AGBL4: variants seen among roughly 807,000 people sequenced by gnomAD.
The protein encoded by AGBL4 is cytosolic carboxypeptidase 6.
In AGBL4, 58 loss-of-function variants were observed where a neutral mutation model predicts 66.4. That is an observed-to-expected ratio of 0.87 (90% CI 0.71 to 1.09). The LOEUF (loss-of-function observed/expected upper bound fraction) is 1.09. Ranked by LOEUF, AGBL4 falls within the 50% of genes least tolerant of loss-of-function variation. The pLI, the probability that AGBL4 is intolerant of heterozygous loss-of-function variation, is 0.00. For synonymous variants in AGBL4, 234 were observed against 222.9 expected (o/e 1.05, Z -0.44); for missense variants, 579 against 631.0 (o/e 0.92, Z 0.88).
intron 9 of AGBL4, among the ~76,000 whole-genome samples, chr1:48,632,270 G>A (rs1570072917): frequency 6.6e-6 from 1 of 152,240 alleles, no homozygotes; most frequent in East Asian, 1.9e-4. Context: ...CACCCAAGAT[G>A]TACTTATTAA....
intron 4 of AGBL4, among the ~76,000 whole-genome samples, chr1:49,204,365 G>A (rs1389803060): frequency 3.3e-5 from 5 of 151,810 alleles, no homozygotes; most frequent in Non-Finnish European, 1.5e-5. Flanking sequence ...TGAATTCCTG[G>A]CCTCAAGCAA....
At chr1:49,211,118 A>T (rs1005882681) in intron 4 of AGBL4, among the ~76,000 whole-genome samples, 1 of 152,088 alleles carries the variant, frequency 6.6e-6, no homozygotes, top group African/African-American at 2.4e-5. Context: ...ACAACATTCC[A>T]TCACATCCAT....
At chr1:49,237,089 A>G (rs2148310373) in intron 4 of AGBL4, among the ~76,000 whole-genome samples, 1 of 149,714 alleles carries the variant, frequency 6.7e-6, no homozygotes, top group East Asian at 2.0e-4. Flanking sequence ...CCCCATCTCT[A>G]CTAAAAATAC....
intron 6 of AGBL4, among the ~76,000 whole-genome samples, chr1:48,848,410 A>AG (rs1260114539): frequency 6.6e-6 from 1 of 152,216 alleles, no homozygotes; most frequent in Non-Finnish European, 1.5e-5. Context: ...TGTTCATGGA[A>AG]GAGCCAATGT....
At chr1:49,607,859 T>G (rs1276604988) in intron 3 of AGBL4, among the ~76,000 whole-genome samples, 3 of 152,168 alleles carry the variant, frequency 2.0e-5, no homozygotes, top group Non-Finnish European at 2.9e-5. Flanking sequence ...GAATGTAGCA[T>G]GATTATGTAT....
At chr1:49,315,946 A>C (rs966203438) in intron 3 of AGBL4, among the ~76,000 whole-genome samples, 1 of 152,124 alleles carries the variant, frequency 6.6e-6, no homozygotes, top group African/African-American at 2.4e-5. Flanking sequence ...GAAGAGCGCT[A>C]TCAAGCCATT....
At chr1:49,395,256 A>G (rs1474655616) in intron 3 of AGBL4, among the ~76,000 whole-genome samples, 1 of 152,198 alleles carries the variant, frequency 6.6e-6, no homozygotes, top group Non-Finnish European at 1.5e-5. Flanking sequence ...ACCCTAGGCT[A>G]TCTTGATCAG....
chr1:49,107,723 GAGAGAGAGAGAGAC>G (rs1158670906), intron 4 of AGBL4, among the ~76,000 whole-genome samples: 2 of 150,396 alleles, frequency 1.3e-5, no homozygotes, highest in Non-Finnish European at 3.0e-5. Flanking sequence ...GAGAGAGAGA[GAGAGAGAGAGAGAC>G]AATATTTACA....
intron 2 of AGBL4, among the ~76,000 whole-genome samples, chr1:49,832,652 G>A (rs1484046630): frequency 6.6e-6 from 1 of 150,908 alleles, no homozygotes; most frequent in Non-Finnish European, 1.5e-5. Flanking sequence ...ATCCTCTCCA[G>A]CACCTGTTGT....
intron 3 of AGBL4, among the ~76,000 whole-genome samples, chr1:49,620,293 A>G (rs1420497503): frequency 6.6e-6 from 1 of 152,196 alleles, no homozygotes; most frequent in Non-Finnish European, 1.5e-5. Flanking sequence ...CCACCCCATC[A>G]AAAATGGGCA....
intron 3 of AGBL4, among the ~76,000 whole-genome samples, chr1:49,586,445 T>A (rs1316084232): frequency 2.6e-5 from 4 of 152,194 alleles, no homozygotes; most frequent in Non-Finnish European, 4.4e-5. Context: ...CTTTAGAATT[T>A]ACAAAAACAT....
chr1:48,567,688 G>T (rs1644498199), intron 11 of AGBL4, among the ~76,000 whole-genome samples: 1 of 152,148 alleles, frequency 6.6e-6, no homozygotes, highest in Non-Finnish European at 1.5e-5. Flanking sequence ...GGGACCTGTT[G>T]GGGGCCTGAA....
intron 3 of AGBL4, among the ~76,000 whole-genome samples, chr1:49,622,647 A>G (rs988007134): frequency 1.9e-4 from 28 of 150,906 alleles, no homozygotes; most frequent in Admixed American, 5.9e-4. Flanking sequence ...AAAAAAAAAA[A>G]AAAAAAAGAA....
At chr1:48,673,923 G>C (rs1557870443) in intron 6 of AGBL4, among the ~76,000 whole-genome samples, 1 of 152,200 alleles carries the variant, frequency 6.6e-6, no homozygotes, top group Non-Finnish European at 1.5e-5. Flanking sequence ...AACCACAGAA[G>C]CCTCCTGCTG....
At chr1:49,767,354 G>C (rs1398021078) in intron 2 of AGBL4, among the ~76,000 whole-genome samples, 2 of 151,958 alleles carry the variant, frequency 1.3e-5, no homozygotes, top group Admixed American at 6.6e-5. Context: ...GATCCTGAAA[G>C]ACCTTAGGGC....
chr1:48,738,191 C>T (rs1348931177), intron 6 of AGBL4, among the ~76,000 whole-genome samples: 2 of 152,096 alleles, frequency 1.3e-5, no homozygotes, highest in Non-Finnish European at 2.9e-5. Flanking sequence ...TTCCAACCAT[C>T]AAGAAGAAAA....
intron 3 of AGBL4, among the ~76,000 whole-genome samples, chr1:49,308,799 T>C (rs1252762714): frequency 6.6e-6 from 1 of 151,554 alleles, no homozygotes; most frequent in Non-Finnish European, 1.5e-5. Context: ...AGGCTGACGT[T>C]TAGACTAGCA....
chr1:49,852,031 T>C (rs1314900223), intron 1 of AGBL4, among the ~76,000 whole-genome samples: 1 of 152,198 alleles, frequency 6.6e-6, no homozygotes, highest in Admixed American at 6.5e-5. Context: ...TGAATTAGCA[T>C]AGAAGTTCTA....
At chr1:48,871,086 A>G (rs937273152) in intron 5 of AGBL4, among the ~76,000 whole-genome samples, 12 of 152,206 alleles carry the variant, frequency 7.9e-5, no homozygotes, top group African/African-American at 2.9e-4. Context: ...AATAGAGCAC[A>G]TGGTTTATAG....
Sources: gnomAD v4.1 joint callset for allele counts (sites outside exome capture counted in the v4.1 genomes callset) on GRCh38, gnomAD v4.1.1 for gene constraint, MANE v1.5 for transcripts, NCBI Gene and HGNC (gene_info 2026-07-23, HGNC 2026-07-21) for gene names.